The following KRIT1 variants were observed in gnomAD, a reference collection of about 807,000 sequenced individuals.
The protein encoded by KRIT1 is KRIT1 ankyrin repeat containing.
Under a neutral mutation model 95.8 loss-of-function variants are expected in KRIT1, and 45 were observed. That is an observed-to-expected ratio of 0.47 (90% CI 0.37 to 0.60). The LOEUF (loss-of-function observed/expected upper bound fraction) is 0.60. KRIT1 is among the 20% of genes least tolerant of loss of function. The pLI, the probability that KRIT1 is intolerant of heterozygous loss-of-function variation, is 0.00. For missense variants in KRIT1, 788 were observed against 877.5 expected (o/e 0.90, Z 1.29); for synonymous variants, 282 against 278.8 (o/e 1.01, Z -0.11).
downstream of KRIT1, chr7:92,198,981 T>C (rs980095774): frequency 9.9e-5 from 15 of 152,230 alleles, no homozygotes; most frequent in African/African-American, 3.6e-4. Flanking sequence ...ATAGGGAATA[T>C]AGTGGAAGGA....
At position 92,231,133 on chromosome 7, in the gene KRIT1, A is replaced by C. The variant is rs1322672356; in HGVS notation, c.989+3316T>G. On this transcript the variant is annotated intron_variant, in intron 10 of 18. Transcript: ENST00000394505. The stretch of plus-strand genomic sequence containing the variant: ...GGGTCTGGCATAGGGGTACGGGAAG[A>C]ATAAAGAAGTGAGAGAATATGAAAT... 2.0e-5 allele frequency among the ~76,000 whole-genome samples: 3 copies of C among 152,308 alleles called. No homozygotes were observed. In the East Asian group the frequency reaches 5.8e-4, roughly 29 times the overall value.
At position 92,212,634 on chromosome 7, in the gene KRIT1, C is replaced by T. The variant is rs187178124; in HGVS notation, c.2025+561G>A. Among the ~76,000 whole-genome samples the T allele has an allele frequency of 2.0e-5, 3 of 152,286 alleles. No individual in the cohort carries two copies. The East Asian group carries it at 5.8e-4, about 29-fold the overall frequency. ...AAACGCTCTCACTAGAATCCAACCC[C>T]GCTAGCACGCTGATCTCAGACTTCC... is the stretch of plus-strand genomic sequence containing the variant. On this transcript the variant is annotated intron_variant, in intron 17 of 18. Transcript: ENST00000394505.
rs141938343 is a variant in KRIT1 at position 92,230,361 on chromosome 7, A to G, written c.990-3679T>C. ...GCCAGTGAGTGTTTCCACAGCAATG[A>G]TAAGATATCAATAATACCTTGCATT... is the stretch of plus-strand genomic sequence containing the variant. On this transcript the variant is annotated intron_variant, in intron 10 of 18. Coordinates refer to ENST00000394505, the MANE Select transcript of KRIT1 (RefSeq NM_194454.3). Among the ~76,000 whole-genome samples the G allele has an allele frequency of 8.4e-3, 1,284 of 152,308 alleles. 10 individuals are homozygous for G. Among genetic ancestry groups the G allele is most frequent in the South Asian group, 0.014 (68 of 4,822 alleles).
intron 5 of KRIT1, among the ~76,000 whole-genome samples, chr7:92,239,870 C>T (rs574456170): frequency 2.2e-4 from 33 of 152,074 alleles, no homozygotes; most frequent in African/African-American, 5.3e-4. Context: ...ACCACCACAC[C>T]GGGCTAATTT....
chr7:92,240,271 A>G (rs1799343145), intron 5 of KRIT1, among the ~76,000 whole-genome samples: 2 of 152,156 alleles, frequency 1.3e-5, no homozygotes, highest in African/African-American at 4.8e-5. Context: ...AAACATATGA[A>G]TCAGATAACT....
chr7:92,227,622 C>T (rs1584922041), intron 10 of KRIT1, among the ~76,000 whole-genome samples: 1 of 152,106 alleles, frequency 6.6e-6, no homozygotes, highest in East Asian at 2.0e-4. Context: ...GTAATGTCTG[C>T]CTCCTGGGTT....
intron 14 of KRIT1, among the ~76,000 whole-genome samples, chr7:92,215,112 A>G (rs536529987): frequency 6.6e-6 from 1 of 151,498 alleles, no homozygotes; most frequent in Non-Finnish European, 1.5e-5. Context: ...GATAGGAAAT[A>G]GTTATTTTTT....
chr7:92,209,287 A>T (rs1563230327), intron 17 of KRIT1, among the ~76,000 whole-genome samples: 1 of 152,232 alleles, frequency 6.6e-6, no homozygotes, highest in African/African-American at 2.4e-5. Context: ...AAGAACTAGA[A>T]TAAGACAAGG....
rs201500105 is a variant in KRIT1, at chr7:92,237,725, C to G, written c.297G>C (p.Leu99=). 1.2e-6 allele frequency: 2 copies of G among 1,608,410 alleles called. No individual in the cohort carries two copies. Among genetic ancestry groups the G allele is most frequent in the Non-Finnish European group, 1.7e-6 (2 of 1,175,384 alleles). The change falls in exon 6 of 19, where the codon CTG becomes CTC. Residue 99 remains leucine (L), a synonymous_variant. Coordinates refer to ENST00000394505, the MANE Select transcript of KRIT1 (RefSeq NM_194454.3). ...CTTCTCTGCCCATCTTCTCTCCATC[C>G]AGAGGAAATTTTTTCATTAGTACAA... is the stretch of plus-strand genomic sequence containing the variant. ...KRVVLMKKFP[L]DGEKMGREAS...
intron 14 of KRIT1, 129 bp downstream of exon 14, chr7:92,221,773 C>A: frequency 1.3e-6 from 1 of 761,246 alleles, no homozygotes; most frequent in Non-Finnish European, 2.2e-6. Context: ...ACTGAAACTC[C>A]GCCAATTATC....
At position 92,234,730 on chromosome 7, in the gene KRIT1, A is replaced by G. The variant is rs998927839; in HGVS notation, c.845+78T>C. 3.7e-5 allele frequency: 41 copies of G among 1,121,242 alleles called. No individual in the cohort carries two copies. The South Asian group carries it at 4.0e-4, about 11-fold the overall frequency. 69.5% of individuals were successfully genotyped at this position (1,121,242 alleles called of 1,614,324 possible). ...AGTGACTACAATGCATACAAATTGC[A>G]TATATAATTTTAAACAATACTTTAA... On this transcript the variant is annotated intron_variant, in intron 9 of 18. Coordinates refer to ENST00000394505, the MANE Select transcript of KRIT1 (RefSeq NM_194454.3).
chr7:92,228,768 G>A (rs569602278), intron 10 of KRIT1, among the ~76,000 whole-genome samples: 2 of 152,046 alleles, frequency 1.3e-5, no homozygotes, highest in Non-Finnish European at 2.9e-5. Flanking sequence ...GGAGGCCCCA[G>A]TATTTGCTGT....
chr7:92,225,913 C>A, intron 11 of KRIT1, 86 bp from the exon 12 acceptor site: 2 of 755,292 alleles, frequency 2.6e-6, no homozygotes, highest in Middle Eastern at 2.5e-4. Context: ...ATCACAGTTT[C>A]ATAAAAAAGA....
At chr7:92,228,004 C>T (rs1796546503) in intron 10 of KRIT1, among the ~76,000 whole-genome samples, 1 of 151,974 alleles carries the variant, frequency 6.6e-6, no homozygotes, top group Non-Finnish European at 1.5e-5. Context: ...CAGAGCAAGA[C>T]TCCGTCTCAG....
At chr7:92,214,539 C>T (rs996349116) in intron 15 of KRIT1, 72 bp downstream of exon 15, 16 of 1,141,610 alleles carry the variant, frequency 1.4e-5, no homozygotes, top group Middle Eastern at 5.2e-4. Flanking sequence ...TTTCTAATAA[C>T]ATTTTTAAAC....
At chr7:92,235,027 T>C (rs1441508235) in intron 8 of KRIT1, 104 bp from the exon 9 acceptor site, 1 of 695,448 alleles carries the variant, frequency 1.4e-6, no homozygotes, top group Non-Finnish European at 2.6e-6. Flanking sequence ...TGAGAATGAG[T>C]CTTGCTCTGT....
At chr7:92,200,965 T>C (rs1221240518) in intron 18 of KRIT1, among the ~76,000 whole-genome samples, 161 bp from the exon 19 acceptor site, 1 of 152,160 alleles carries the variant, frequency 6.6e-6, no homozygotes, top group Non-Finnish European at 1.5e-5. Context: ...CTCAGGCTTT[T>C]TGAAGTGACT....
chr7:92,210,249 AAG>A (rs1792510133), intron 17 of KRIT1, among the ~76,000 whole-genome samples: 1 of 152,210 alleles, frequency 6.6e-6, no homozygotes, highest in Non-Finnish European at 1.5e-5. Context: ...GTGAGAAAAA[AAG>A]AACAAAGCTG....
rs1789777301 is a variant in KRIT1, at chr7:92,199,683, C to T, written c.*1053G>A. ...GTCTATGTATGTGTGTGCTTGTGTGCCAGGCAGTTTTGTGAAATTTCTCAA... is the reference window on the plus strand; with the variant it reads ...GTCTATGTATGTGTGTGCTTGTGTGTCAGGCAGTTTTGTGAAATTTCTCAA... On this transcript the variant is annotated 3_prime_UTR_variant, in exon 19 of 19. Transcript: ENST00000394505. The T allele has an allele frequency of 6.6e-6, 1 of 152,104 alleles. No individual in the cohort carries two copies. The highest frequency in any genetic ancestry group is 2.4e-5 in the African/African-American group (1 of 41,424). The allele number at this position is 152,104 out of a possible 1,614,324, so 9.4% of individuals were successfully genotyped here.
Sources: gnomAD v4.1 joint callset for allele counts (sites outside exome capture counted in the v4.1 genomes callset) on GRCh38, gnomAD v4.1.1 for gene constraint, MANE v1.5 for transcripts, NCBI Gene and HGNC (gene_info 2026-07-23, HGNC 2026-07-21) for gene names.